SEPTIN10: variants seen among roughly 807,000 people sequenced by gnomAD.
SEPTIN10 encodes septin 10.
In SEPTIN10, 66 loss-of-function variants were observed where a neutral mutation model predicts 54.8. The ratio of observed to expected loss-of-function variants is 1.21; its 90% confidence interval spans 0.99 to 1.48. The LOEUF (loss-of-function observed/expected upper bound fraction) is 1.48, where lower values mean the gene tolerates loss of function less well. Among genes scored for constraint, SEPTIN10 ranks in the 40% most tolerant of loss-of-function variants. The pLI, the probability that SEPTIN10 is intolerant of heterozygous loss-of-function variation, is 0.00. For missense variants in SEPTIN10, 620 were observed against 545.6 expected (o/e 1.14, Z -1.36); for synonymous variants, 161 against 181.0 (o/e 0.89, Z 0.89).
At chr2:109,552,432 T>C (rs927944147) in intron 9 of SEPTIN10, 6 of 152,258 alleles carry the variant, frequency 3.9e-5, no homozygotes, top group Admixed American at 2.0e-4. Context: ...GTTAAGATAC[T>C]TCTTAGTAAC....
chr2:109,569,359 A>T (rs1024358236), intron 5 of SEPTIN10, among the ~76,000 whole-genome samples: 4 of 151,180 alleles, frequency 2.6e-5, no homozygotes, highest in Non-Finnish European at 1.5e-5. Flanking sequence ...TGAACCCAGG[A>T]GGCAGAGGTT....
intron 5 of SEPTIN10, among the ~76,000 whole-genome samples, chr2:109,569,047 G>A (rs1327271663): frequency 6.6e-6 from 1 of 152,154 alleles, no homozygotes; most frequent in African/African-American, 2.4e-5. Flanking sequence ...TGGTTCTTAA[G>A]TTTTTTAGTT....
At chr2:109,607,594 C>T (rs557794873) in intron 1 of SEPTIN10, among the ~76,000 whole-genome samples, 2 of 152,174 alleles carry the variant, frequency 1.3e-5, no homozygotes, top group South Asian at 4.2e-4. Context: ...AACTTAATTA[C>T]CTGGGCTAAT....
At position 109,574,712 on chromosome 2, in the gene SEPTIN10, C is replaced by A. The variant is rs1236685418; in HGVS notation, c.469G>T (p.Glu157Ter). 7 of 1,605,586 alleles carry A rather than the reference C, an allele frequency of 4.4e-6. No individual in the cohort carries two copies. The South Asian group carries it at 4.5e-5, about 10-fold the overall frequency. The change falls in exon 5 of 11, where the codon GAA becomes TAA. Residue 157 changes from glutamate to a stop codon, truncating the protein, a stop_gained. Coordinates refer to ENST00000397712, the MANE Select transcript of SEPTIN10 (RefSeq NM_144710.5). LOFTEE classifies it high-confidence loss of function. The stretch of plus-strand genomic sequence containing the variant: ...AAGAGAGAACGCTTAATCTTCAGTT[C>A]TTCTTGGAGATAGGCCTCAAACTGA... ...DAQFEAYLQE[E>*]LKIKRSLFTY...
At chr2:109,550,513 C>A (rs1226559533) in intron 9 of SEPTIN10, among the ~76,000 whole-genome samples, 1 of 151,836 alleles carries the variant, frequency 6.6e-6, no homozygotes, top group Non-Finnish European at 1.5e-5. Flanking sequence ...GGGGTTTCAC[C>A]ATATTGACCA....
intron 9 of SEPTIN10, among the ~76,000 whole-genome samples, chr2:109,552,380 A>AT (rs1683180342): frequency 6.6e-6 from 1 of 152,230 alleles, no homozygotes; most frequent in Non-Finnish European, 1.5e-5. Flanking sequence ...AACACTCAAA[A>AT]AAGGCTTTAT....
chr2:109,585,653 A>G, intron 3 of SEPTIN10, 68 bp downstream of exon 3: 1 of 1,044,780 alleles, frequency 9.6e-7, no homozygotes, highest in Non-Finnish European at 1.5e-6. Context: ...TGTTCTGCCC[A>G]TGACAAGAAT....
intron 1 of SEPTIN10, among the ~76,000 whole-genome samples, chr2:109,604,416 A>T (rs1214176586): frequency 9.2e-6 from 1 of 108,418 alleles, no homozygotes; most frequent in Non-Finnish European, 1.9e-5. Context: ...AAAAGAAAGA[A>T]AGAAAAAAGA....
chr2:109,564,402 C>T lies in SEPTIN10; in HGVS notation c.992G>A (p.Gly331Asp), dbSNP rs748191814. ...GTTTTCTGGGCCCACATCTGTAAAGCCCATTTCCTCCAGTTTGCAGCGCCT... is the reference window on the plus strand; with the variant it reads ...GTTTTCTGGGCCCACATCTGTAAAGTCCATTTCCTCCAGTTTGCAGCGCCT... The part of the protein sequence containing the change: ...LYRRCKLEEM[G>D]FTDVGPENKP... The change falls in exon 8 of 11, where the codon GGC becomes GAC. Residue 331 changes from glycine to aspartate, a missense_variant. Transcript: ENST00000397712. 5.7e-6 allele frequency: 9 copies of T among 1,591,042 alleles called. No homozygotes were observed. The highest frequency in any genetic ancestry group is 2.7e-5 in the African/African-American group (2 of 74,580).
chr2:109,545,342 A>T, intron 10 of SEPTIN10: 1 of 1,496,840 alleles, frequency 6.7e-7, no homozygotes, highest in Non-Finnish European at 8.9e-7. Flanking sequence ...AAGGAAAAAT[A>T]AACTTATTTT....
Position 109,565,789 on chromosome 2 carries a change from C to A in SEPTIN10, c.833G>T (p.Arg278Leu). 1.2e-6 allele frequency: 2 copies of A among 1,614,024 alleles called. No individual in the cohort carries two copies. Among genetic ancestry groups the A allele is most frequent in the Non-Finnish European group, 1.7e-6 (2 of 1,179,960 alleles). The change falls in exon 7 of 11, where the codon CGC becomes CTC. Residue 278 changes from arginine to leucine, a missense_variant. Transcript: ENST00000397712. ...VKVGNKMVKA[R>L]QYPWGVVQVE... ...TTGTACAACACCCCAAGGGTACTGG[C>A]GAGCTTTGACCATCTTGTTTCCGAC...
At chr2:109,602,728 A>G (rs1432792444) in intron 1 of SEPTIN10, among the ~76,000 whole-genome samples, 3 of 151,838 alleles carry the variant, frequency 2.0e-5, no homozygotes, top group African/African-American at 7.3e-5. Context: ...ATTCCTTCAA[A>G]AGAGAGCATG....
chr2:109,582,360 C>T (rs1429566730), intron 4 of SEPTIN10, among the ~76,000 whole-genome samples: 1 of 152,076 alleles, frequency 6.6e-6, no homozygotes, highest in East Asian at 1.9e-4. Context: ...CTCTGTCCAC[C>T]CAGGCTGGAA....
intron 8 of SEPTIN10, 123 bp downstream of exon 8, chr2:109,564,243 A>C: frequency 1.1e-6 from 1 of 880,268 alleles, no homozygotes; most frequent in Non-Finnish European, 1.6e-6. Flanking sequence ...TCATTACCAA[A>C]TGATTCTATA....
At chr2:109,566,907 G>A (rs1473505016) in intron 6 of SEPTIN10, among the ~76,000 whole-genome samples, 1 of 152,088 alleles carries the variant, frequency 6.6e-6, no homozygotes, top group Non-Finnish European at 1.5e-5. Context: ...GACATATTTA[G>A]TTTCTTAATG....
intron 4 of SEPTIN10, among the ~76,000 whole-genome samples, chr2:109,580,047 A>T (rs979637459): frequency 6.6e-6 from 1 of 151,922 alleles, no homozygotes; most frequent in Non-Finnish European, 1.5e-5. Context: ...TCTGAACCTG[A>T]GAGATGGAGG....
At chr2:109,580,933 A>G (rs1690959722) in intron 4 of SEPTIN10, among the ~76,000 whole-genome samples, 1 of 152,186 alleles carries the variant, frequency 6.6e-6, no homozygotes, top group Admixed American at 6.5e-5. Context: ...GGCAAAAGCA[A>G]CATCTGTAGG....
intron 4 of SEPTIN10, among the ~76,000 whole-genome samples, chr2:109,579,196 T>C (rs956740483): frequency 1.3e-5 from 2 of 152,192 alleles, no homozygotes; most frequent in Non-Finnish European, 2.9e-5. Flanking sequence ...GACAGATTCC[T>C]GGAAAATTAT....
In SEPTIN10 at chr2:109,543,809, G is replaced by GT. The variant is rs1450264404; in HGVS notation, c.*499dup. 1 of 232,220 alleles carries GT rather than the reference G, an allele frequency of 4.3e-6. No homozygotes were observed. The highest frequency in any genetic ancestry group is 8.4e-6 in the Non-Finnish European group (1 of 119,558). The allele number at this position is 232,220 out of a possible 1,614,324, so 14.4% of individuals were successfully genotyped here. On this transcript the variant is annotated 3_prime_UTR_variant, in exon 11 of 11. Coordinates refer to ENST00000397712, the MANE Select transcript of SEPTIN10 (RefSeq NM_144710.5). ...ATATGAATATATAGGTACAAGCTGAGTATCCCTTATCCAAAATGCTAGGGA... is the reference window on the plus strand; with the variant it reads ...ATATGAATATATAGGTACAAGCTGAGTTATCCCTTATCCAAAATGCTAGGGA...
Sources: gnomAD v4.1 joint callset for allele counts (sites outside exome capture counted in the v4.1 genomes callset) on GRCh38, gnomAD v4.1.1 for gene constraint, MANE v1.5 for transcripts, NCBI Gene and HGNC (gene_info 2026-07-23, HGNC 2026-07-21) for gene names.